Variants in HMGB1 observed in about 807,000 individuals in gnomAD.
The protein encoded by HMGB1 is high mobility group box 1, also known as high mobility group protein B1.
For missense variants in HMGB1, 79 were observed against 253.5 expected, an observed-to-expected ratio of 0.31 and a Z score of 4.67; for synonymous variants, 81 against 84.0, an observed-to-expected ratio of 0.96 and a Z score of 0.19.
At chr13:30,612,830 T>C (rs1001469594) in intron 1 of HMGB1, among the ~76,000 whole-genome samples, 5 of 152,216 alleles carry the variant, frequency 3.3e-5, no homozygotes, top group African/African-American at 7.2e-5. Context: ...TATAGAACGT[T>C]ATTTTGTCAC....
chr13:30,565,673 G>A lies in HMGB1; in HGVS notation c.-15+50998C>T, dbSNP rs1412270320. On this transcript the variant is annotated intron_variant, in intron 1 of 4. Transcript: ENST00000405805. ...TGCATGTCTGATATGCTTCCAGAGG[G>A]CACTGATGCTGCTGGTCCATGGACC... is the stretch of plus-strand genomic sequence containing the variant. 2.6e-5 allele frequency among the ~76,000 whole-genome samples: 4 copies of A among 152,290 alleles called. No individual in the cohort carries two copies. The East Asian group carries it at 7.7e-4, about 29-fold the overall frequency.
intron 1 of HMGB1, chr13:30,540,247 T>G (rs565148668): frequency 5.3e-6 from 1 of 188,128 alleles, no homozygotes; most frequent in South Asian, 1.1e-4. Context: ...CTTCTGTCTG[T>G]AGGGACGCTC....
chr13:30,539,393 G>A (rs571606393), intron 1 of HMGB1, among the ~76,000 whole-genome samples: 11 of 152,296 alleles, frequency 7.2e-5, no homozygotes, highest in East Asian at 1.9e-4. Flanking sequence ...ATGTGGCCTC[G>A]GCAGCTTATT....
chr13:30,588,007 CCAAA>C (rs1170247377), intron 1 of HMGB1, among the ~76,000 whole-genome samples: 2 of 152,150 alleles, frequency 1.3e-5, no homozygotes, highest in Non-Finnish European at 2.9e-5. Flanking sequence ...AATTTATGAG[CCAAA>C]CAAATTCCTA....
At chr13:30,498,438 A>G (rs989403525) in intron 1 of HMGB1, among the ~76,000 whole-genome samples, 1 of 151,994 alleles carries the variant, frequency 6.6e-6, no homozygotes, top group Non-Finnish European at 1.5e-5. Flanking sequence ...CAGGAGCGGG[A>G]GGGGCTGGAG....
upstream of HMGB1, among the ~76,000 whole-genome samples, chr13:30,467,321 T>A (rs1886816640): frequency 6.6e-6 from 1 of 152,242 alleles, no homozygotes; most frequent in Non-Finnish European, 1.5e-5. Context: ...CTACATCGTG[T>A]TAATTTGATT....
intron 1 of HMGB1, among the ~76,000 whole-genome samples, chr13:30,489,714 A>G (rs546145798): frequency 1.3e-5 from 2 of 149,598 alleles, no homozygotes; most frequent in South Asian, 4.2e-4. Flanking sequence ...CTTTTAAATG[A>G]CCAATTCAAA....
At chr13:30,562,316 G>A (rs1452151894) in intron 1 of HMGB1, among the ~76,000 whole-genome samples, 3 of 149,496 alleles carry the variant, frequency 2.0e-5, no homozygotes, top group Non-Finnish European at 3.0e-5. Context: ...AAAAAAAGAT[G>A]TATTTATTCT....
At chr13:30,570,702 T>C (rs1213742640) in intron 1 of HMGB1, among the ~76,000 whole-genome samples, 1 of 152,224 alleles carries the variant, frequency 6.6e-6, no homozygotes, top group Non-Finnish European at 1.5e-5. Flanking sequence ...TAATGTTGGT[T>C]ACTTCTTCAT....
intron 1 of HMGB1, among the ~76,000 whole-genome samples, chr13:30,599,400 G>A (rs879808062): frequency 1.4e-4 from 21 of 152,264 alleles, no homozygotes; most frequent in East Asian, 1.9e-4. Context: ...CCTGGGAGGC[G>A]GAGGTTGTGA....
upstream of HMGB1, among the ~76,000 whole-genome samples, chr13:30,466,305 C>CA (rs397744996): frequency 6.6e-6 from 1 of 151,600 alleles, no homozygotes; most frequent in Non-Finnish European, 1.5e-5. Flanking sequence ...CTCCCCCCCC[C>CA]TTCTTGCCCC....
intron 4 of HMGB1, 182 bp from the exon 5 acceptor site, chr13:30,461,715 A>C (rs959501264): frequency 3.3e-6 from 5 of 1,492,906 alleles, no homozygotes; most frequent in Non-Finnish European, 4.6e-6. Context: ...TAAAAATACA[A>C]GATCATTATA....
chr13:30,474,946 C>CTTTTTTTTTTT (rs1887040770), intron 1 of HMGB1, among the ~76,000 whole-genome samples: 1 of 39,326 alleles, frequency 2.5e-5, no homozygotes, highest in African/African-American at 1.1e-4. Flanking sequence ...TTTTTTTTTT[C>CTTTTTTTTTTT]TTTTCTTTTT....
intron 1 of HMGB1, among the ~76,000 whole-genome samples, chr13:30,537,564 C>A (rs1490449935): frequency 6.7e-6 from 1 of 149,522 alleles, no homozygotes; most frequent in Non-Finnish European, 1.5e-5. Flanking sequence ...AAAATGTACT[C>A]TTTTGCTCCT....
intron 1 of HMGB1, among the ~76,000 whole-genome samples, chr13:30,591,259 T>C (rs1327183991): frequency 1.3e-5 from 2 of 151,968 alleles, no homozygotes; most frequent in Admixed American, 6.6e-5. Context: ...CTTGAACTCT[T>C]GACCTTAAAT....
chr13:30,476,285 A>G (rs1887096611), intron 1 of HMGB1, among the ~76,000 whole-genome samples: 1 of 151,882 alleles, frequency 6.6e-6, no homozygotes, highest in African/African-American at 2.4e-5. Flanking sequence ...TTACAGGCGC[A>G]AGCCACCACA....
chr13:30,566,456 A>T (rs7322147), intron 1 of HMGB1, among the ~76,000 whole-genome samples: 23,841 of 152,174 alleles, frequency 0.16, 5,563 homozygotes, highest in African/African-American at 0.51. Flanking sequence ...TGTGTTCCAA[A>T]AAAACTTTAT....
At chr13:30,493,339 A>G (rs1048831552) in intron 1 of HMGB1, among the ~76,000 whole-genome samples, 4 of 152,210 alleles carry the variant, frequency 2.6e-5, no homozygotes, top group Non-Finnish European at 5.9e-5. Context: ...TCACAAAACT[A>G]CATATTATAT....
At chr13:30,580,443 T>C (rs1870849232) in intron 1 of HMGB1, among the ~76,000 whole-genome samples, 1 of 152,232 alleles carries the variant, frequency 6.6e-6, no homozygotes, top group South Asian at 2.1e-4. Flanking sequence ...GGCTCACAGT[T>C]AGACATCAGC....
Sources: allele counts gnomAD v4.1 joint callset (sites outside exome capture counted in the v4.1 genomes callset), GRCh38; gene constraint gnomAD v4.1.1; transcripts MANE v1.5; gene names NCBI Gene and HGNC (gene_info 2026-07-23, HGNC 2026-07-21).